Variants in USP34 observed in about 807,000 individuals in gnomAD.
USP34 encodes the protein ubiquitin carboxyl-terminal hydrolase 34.
A neutral mutation model predicts 460.3 loss-of-function variants in USP34; 70 were observed. The observed-to-expected ratio is 0.15, with a 90% CI of 0.13 to 0.19. USP34 has a LOEUF of 0.19. Ranked by LOEUF, USP34 falls within the 10% of genes least tolerant of loss-of-function variation. The pLI, the probability that USP34 is intolerant of heterozygous loss-of-function variation, is 1.00. For missense variants in USP34, 3,985 were observed against 4,236.2 expected, an observed-to-expected ratio of 0.94 and a Z score of 1.65; for synonymous variants, 1,647 against 1,405.3, an observed-to-expected ratio of 1.17 and a Z score of -3.85.
rs1693518657 is a variant in USP34 at position 61,396,183 on chromosome 2, T to C, written c.553-950A>G. Among the ~76,000 whole-genome samples, 3 of 152,220 alleles carry C rather than the reference T, an allele frequency of 2.0e-5. No homozygotes were observed. In the South Asian group the frequency reaches 6.2e-4, roughly 31 times the overall value. On this transcript the variant is annotated intron_variant, in intron 3 of 79. Coordinates refer to ENST00000398571, the MANE Select transcript of USP34 (RefSeq NM_014709.4). Reference sequence around the variant, plus strand: ...CATGATTTTTGAAACTGCTTTGGAATTCCCTAGAGGTATACTGAAGAGTTA... The same window carrying C: ...CATGATTTTTGAAACTGCTTTGGAACTCCCTAGAGGTATACTGAAGAGTTA...
chr2:61,467,835 C>A (rs1023345040), intron 1 of USP34, among the ~76,000 whole-genome samples: 1 of 151,986 alleles, frequency 6.6e-6, no homozygotes, highest in Non-Finnish European at 1.5e-5. Context: ...ATTGGCCAGG[C>A]TGGTCTCGAG....
intron 61 of USP34, among the ~76,000 whole-genome samples, chr2:61,227,584 G>A (rs752972624): frequency 6.6e-5 from 10 of 152,104 alleles, no homozygotes; most frequent in South Asian, 2.1e-4. Context: ...GGTGGCACGC[G>A]CTTGTAATCC....
chr2:61,419,372 C>T (rs754858708), intron 2 of USP34, among the ~76,000 whole-genome samples: 3 of 151,990 alleles, frequency 2.0e-5, no homozygotes, highest in Non-Finnish European at 2.9e-5. Context: ...CACAGGCTCT[C>T]GGTGGTTTGG....
intron 13 of USP34, 35 bp downstream of exon 13, chr2:61,349,215 G>A (rs780335744): frequency 6.2e-7 from 1 of 1,601,828 alleles, no homozygotes; most frequent in Non-Finnish European, 8.5e-7. Context: ...AAAAAACTAA[G>A]TCATGTTGCC....
At chr2:61,284,395 A>T (rs1254204213) in intron 35 of USP34, among the ~76,000 whole-genome samples, 1 of 152,220 alleles carries the variant, frequency 6.6e-6, no homozygotes, top group East Asian at 1.9e-4. Context: ...TGAGAAAGTT[A>T]TCTCTGATGA....
At position 61,278,373 on chromosome 2, in the gene USP34, C is replaced by T; in HGVS notation, c.5312+15G>A. The T allele has an allele frequency of 1.9e-6, 3 of 1,608,098 alleles. No individual in the cohort carries two copies. The highest frequency in any genetic ancestry group is 1.1e-5 in the South Asian group (1 of 89,484). On this transcript the variant is annotated intron_variant, in intron 40 of 79. Transcript: ENST00000398571. Reference sequence around the variant, plus strand: ...TCCTCGACAATATAAATGTCAATTTCACATCAAATTTTACCTTCGAATACA... The same window carrying T: ...TCCTCGACAATATAAATGTCAATTTTACATCAAATTTTACCTTCGAATACA...
chr2:61,464,402 T>A (rs1695701669), intron 1 of USP34, among the ~76,000 whole-genome samples: 1 of 152,196 alleles, frequency 6.6e-6, no homozygotes, highest in African/African-American at 2.4e-5. Context: ...CATCTCAAAT[T>A]TGACTATGCA....
intron 43 of USP34, among the ~76,000 whole-genome samples, chr2:61,261,096 A>C (rs1254348313): frequency 6.6e-6 from 1 of 152,202 alleles, no homozygotes; most frequent in African/African-American, 2.4e-5. Flanking sequence ...GGAAAAGGTA[A>C]GGCTATTCCT....
intron 10 of USP34, among the ~76,000 whole-genome samples, chr2:61,363,754 C>T (rs1162081322): frequency 2.0e-5 from 3 of 152,060 alleles, no homozygotes; most frequent in East Asian, 3.9e-4. Flanking sequence ...TATTTGTAAA[C>T]CCATGTTCAC....
intron 2 of USP34, among the ~76,000 whole-genome samples, chr2:61,409,303 T>G (rs955565084): frequency 6.6e-6 from 1 of 152,148 alleles, no homozygotes; most frequent in African/African-American, 2.4e-5. Context: ...TCCCAGCACT[T>G]TGGGAGGCTG....
chr2:61,196,538 T>G (rs1686815548), intron 75 of USP34, among the ~76,000 whole-genome samples: 1 of 151,990 alleles, frequency 6.6e-6, no homozygotes. Flanking sequence ...AACAATTTTT[T>G]TTTTTTCCTT....
intron 61 of USP34, 151 bp from the exon 62 acceptor site, chr2:61,227,369 C>A (rs1350515957): frequency 3.8e-6 from 3 of 786,038 alleles, no homozygotes; most frequent in Non-Finnish European, 6.0e-6. Context: ...ATGTAAAACA[C>A]TCTAAACCAC....
intron 15 of USP34, among the ~76,000 whole-genome samples, 169 bp downstream of exon 15, chr2:61,347,701 A>C (rs780414668): frequency 6.6e-5 from 10 of 152,138 alleles, no homozygotes; most frequent in Non-Finnish European, 7.4e-5. Context: ...TGTGTTTTTA[A>C]ATGTGCCCAA....
intron 27 of USP34, among the ~76,000 whole-genome samples, chr2:61,302,107 A>C (rs1205287892): frequency 6.6e-6 from 1 of 152,250 alleles, no homozygotes; most frequent in Non-Finnish European, 1.5e-5. Flanking sequence ...ATTCAAATTA[A>C]GTATTGTATA....
intron 37 of USP34, 85 bp downstream of exon 37, chr2:61,283,060 G>A: frequency 7.0e-7 from 1 of 1,423,156 alleles, no homozygotes; most frequent in Non-Finnish European, 9.7e-7. Context: ...ACGCATATTT[G>A]TTTCCATTAG....
rs77040404 is a variant in USP34, at chr2:61,396,953, C to T, written c.553-1720G>A. On this transcript the variant is annotated intron_variant, in intron 3 of 79. Transcript: ENST00000398571. ...TTTTTAAGGTTACATCTTTAAAATG[C>T]TGTCTGAAAATAAGGTAGAATCTTA... 8.0e-3 allele frequency among the ~76,000 whole-genome samples: 1,212 copies of T among 152,144 alleles called. 17 individuals are homozygous for T. The highest frequency in any genetic ancestry group is 0.028 in the African/African-American group (1,149 of 41,500).
chr2:61,225,873 C>T (rs1043450344), intron 62 of USP34, among the ~76,000 whole-genome samples: 3 of 152,134 alleles, frequency 2.0e-5, no homozygotes, highest in African/African-American at 4.8e-5. Flanking sequence ...GTGTCTAACA[C>T]GTATTTTCCC....
chr2:61,239,299 G>GAC (rs1558484181), intron 53 of USP34, among the ~76,000 whole-genome samples: 2 of 69,136 alleles, frequency 2.9e-5, no homozygotes, highest in African/African-American at 1.2e-4. Flanking sequence ...TGAGGGCCCT[G>GAC]TCACACACAC....
chr2:61,404,422 C>A (rs1693808715), intron 3 of USP34, among the ~76,000 whole-genome samples: 1 of 152,180 alleles, frequency 6.6e-6, no homozygotes, highest in African/African-American at 2.4e-5. Context: ...TGAATCTGGG[C>A]TGCCCTTGTG....
Sources: gnomAD v4.1 joint callset for allele counts (sites outside exome capture counted in the v4.1 genomes callset) on GRCh38, gnomAD v4.1.1 for gene constraint, MANE v1.5 for transcripts, NCBI Gene and HGNC (gene_info 2026-07-23, HGNC 2026-07-21) for gene names.